The following BRPF3 variants were observed in gnomAD, a reference collection of about 807,000 sequenced individuals.
BRPF3 encodes bromodomain and PHD finger containing 3.
Under a neutral mutation model 102.0 loss-of-function variants are expected in BRPF3, and 18 were observed. The ratio of observed to expected loss-of-function variants is 0.18; its 90% CI spans 0.12 to 0.26. The LOEUF (loss-of-function observed/expected upper bound fraction) is 0.26, where lower values mean the gene tolerates loss of function less well. Ranked by LOEUF, BRPF3 falls within the 10% of genes least tolerant of loss-of-function variation. The pLI, the probability that BRPF3 is intolerant of heterozygous loss-of-function variation, is 1.00. For synonymous variants in BRPF3, 570 were observed against 614.2 expected, an observed-to-expected ratio of 0.93 and a Z score of 1.06; for missense variants, 1,147 against 1,567.8, an observed-to-expected ratio of 0.73 and a Z score of 4.53.
At chr6:36,225,386 C>A (rs1768699763) in intron 11 of BRPF3, 22 bp downstream of exon 11, 4 of 1,596,366 alleles carry the variant, frequency 2.5e-6, no homozygotes, top group African/African-American at 1.3e-5. Context: ...CCAGACGCCA[C>A]CCTCCTATCT....
In BRPF3 at chr6:36,201,104, A is replaced by G. The variant is rs141407527; in HGVS notation, c.782A>G (p.Gln261Arg). 2.5e-6 allele frequency: 4 copies of G among 1,614,110 alleles called. No individual in the cohort carries two copies. Among genetic ancestry groups the G allele is most frequent in the Non-Finnish European group, 3.4e-6 (4 of 1,180,024 alleles). The change falls in exon 2 of 13, where the codon CAG becomes CGG. Residue 261 changes from glutamine (Q) to arginine (R), a missense_variant. Gln to Arg is a conservative substitution (Grantham distance 43). Around this residue, in one of 11 missense-constraint regions of BRPF3, gnomAD observed 221 missense variants for 337.1 expected, o/e 0.66. Transcript: ENST00000357641. The surrounding 1 kb of genome is among the most constrained non-coding windows in gnomAD (Gnocchi z 5.1). ...CAGTGGCTATGCCGCTGCTGCCTGC[A>G]GTCTCCCTCCCGGCCTGTGGATTGC... is the stretch of plus-strand genomic sequence containing the variant. The part of the protein sequence containing the change: ...EGQWLCRCCL[Q>R]SPSRPVDCIL...
At position 36,201,745 on chromosome 6, in the gene BRPF3, G is replaced by A. The variant is rs1767712503; in HGVS notation, c.1423G>A (p.Ala475Thr). 1 of 1,609,976 alleles carries A rather than the reference G, an allele frequency of 6.2e-7. No individual in the cohort carries two copies. The highest frequency in any genetic ancestry group is 8.5e-7 in the Non-Finnish European group (1 of 1,177,820). Reference sequence around the variant, plus strand: ...CACACCCTCCACTCTCCCCATGCTTGCTGTCCCACAGATACCCTCTTACAG... The same window carrying A: ...CACACCCTCCACTCTCCCCATGCTTACTGTCCCACAGATACCCTCTTACAG... ...QDTPSTLPML[A>T]VPQIPSYRLN... Residue 475 changes from alanine (A) to threonine (T), a missense_variant, in exon 2 of 13, where the codon GCT becomes ACT. By Grantham distance (58) the Ala-to-Thr change is moderately conservative. Around this residue, in one of 11 missense-constraint regions of BRPF3, gnomAD observed 157 missense variants for 163.6 expected, o/e 0.96. Transcript: ENST00000357641. This position sits in a 1 kb window ranked among gnomAD's most constrained non-coding sequence, Gnocchi z 5.1.
chr6:36,227,161 C>T (rs1041596505), intron 11 of BRPF3, among the ~76,000 whole-genome samples: 3 of 152,134 alleles, frequency 2.0e-5, no homozygotes, highest in African/African-American at 7.2e-5. Context: ...GTATTTGCAT[C>T]CATAAATAGT....
intron 10 of BRPF3, among the ~76,000 whole-genome samples, chr6:36,224,314 C>A (rs1465482577): frequency 1.3e-5 from 2 of 152,172 alleles, no homozygotes; most frequent in Non-Finnish European, 2.9e-5. Flanking sequence ...TGGTCACCTG[C>A]CCATTCCAGT....
chr6:36,215,137 A>G (rs1445274957), intron 8 of BRPF3, among the ~76,000 whole-genome samples: 1 of 151,584 alleles, frequency 6.6e-6, no homozygotes. Flanking sequence ...TGTTTTTTTG[A>G]GATGAGTCTT....
At chr6:36,220,274 T>G (rs1768487816) in intron 9 of BRPF3, among the ~76,000 whole-genome samples, 1 of 152,260 alleles carries the variant, frequency 6.6e-6, no homozygotes, top group Non-Finnish European at 1.5e-5. Context: ...ATTAGCAGTT[T>G]GTAATACTTT....
chr6:36,204,667 G>C lies in BRPF3; in HGVS notation c.1458G>C (p.Lys486Asn). 6.2e-7 allele frequency: 1 copy of C among 1,614,194 alleles called. No individual in the cohort carries two copies. The highest frequency in any genetic ancestry group is 8.5e-7 in the Non-Finnish European group (1 of 1,180,034). ...VPQIPSYRLNKICSGLSFQRK... is the reference protein window; with the variant it reads ...VPQIPSYRLNNICSGLSFQRK... ...TGTGCCTCTACTCAAGGTTGAACAAGATCTGTAGTGGTCTCTCCTTTCAGA... is the reference window on the plus strand; with the variant it reads ...TGTGCCTCTACTCAAGGTTGAACAACATCTGTAGTGGTCTCTCCTTTCAGA... Residue 486 changes from lysine (K) to asparagine (N), a missense_variant, in exon 3 of 13, where the codon AAG becomes AAC. Transcript: ENST00000357641.
Position 36,210,548 on chromosome 6 carries a change from G to A in BRPF3, c.2179+20G>A, listed in dbSNP as rs1768066563. On this transcript the variant is annotated intron_variant, in intron 6 of 12. Transcript: ENST00000357641. The surrounding 1 kb of genome is among the most constrained non-coding windows in gnomAD (Gnocchi z 4.7). ...AAGACGGTGAGAGGCCTGGATGGGT[G>A]GGGAGGAGAGGGGCCAGGAGGAGGC... 1.3e-6 allele frequency: 2 copies of A among 1,560,248 alleles called. No homozygotes were observed. The highest frequency in any genetic ancestry group is 1.7e-6 in the Non-Finnish European group (2 of 1,159,846).
At position 36,201,522 on chromosome 6, in the gene BRPF3, C is replaced by T; in HGVS notation, c.1200C>T (p.Ser400=). The change falls in exon 2 of 13, where the codon TCC becomes TCT. Residue 400 remains serine (S), a synonymous_variant. Coordinates refer to ENST00000357641, the MANE Select transcript of BRPF3 (RefSeq NM_015695.3). The surrounding 1 kb of genome is among the most constrained non-coding windows in gnomAD (Gnocchi z 5.1). ...GAATARRKGD[S]PRSISETGDE... Reference sequence around the variant, plus strand: ...CCACTGCTAGGAGGAAGGGCGACTCCCCTAGAAGCATCAGTGAGACTGGCG... The same window carrying T: ...CCACTGCTAGGAGGAAGGGCGACTCTCCTAGAAGCATCAGTGAGACTGGCG... 1 of 1,614,106 alleles carries T rather than the reference C, an allele frequency of 6.2e-7. No individual in the cohort carries two copies. The highest frequency in any genetic ancestry group is 8.5e-7 in the Non-Finnish European group (1 of 1,180,016).
chr6:36,210,669 ATACCTTTGTG>A lies in BRPF3; in HGVS notation c.2179+142_2179+151del, dbSNP rs1768073712. On this transcript the variant is annotated intron_variant, in intron 6 of 12. Coordinates refer to ENST00000357641, the MANE Select transcript of BRPF3 (RefSeq NM_015695.3). The surrounding 1 kb of genome is among the most constrained non-coding windows in gnomAD (Gnocchi z 4.7). ...GCTGAGGGTGAGCACAGACTGAGGT[ATACCTTTGTG>A]GCTAGAATAGTTCTAAGGGTTAAAG... is the stretch of plus-strand genomic sequence containing the variant. 5 of 729,884 alleles carry A rather than the reference ATACCTTTGTG, an allele frequency of 6.9e-6. No individual in the cohort carries two copies. The highest frequency in any genetic ancestry group is 4.4e-6 in the Non-Finnish European group (2 of 452,682). 45.2% of individuals were successfully genotyped at this position (729,884 alleles called of 1,614,324 possible). A position where few individuals can be genotyped will look rare whatever the true frequency, so the allele number is the denominator to read the frequency against.
Position 36,210,172 on chromosome 6 carries a change from G to A in BRPF3, c.1867-44G>A, listed in dbSNP as rs376928497. The A allele has an allele frequency of 1.6e-5, 26 of 1,601,560 alleles. No individual in the cohort carries two copies. The African/African-American group carries it at 2.9e-4, about 18-fold the overall frequency. On this transcript the variant is annotated intron_variant, in intron 5 of 12. Coordinates refer to ENST00000357641, the MANE Select transcript of BRPF3 (RefSeq NM_015695.3). This position sits in a 1 kb window ranked among gnomAD's most constrained non-coding sequence, Gnocchi z 4.7. ...TATTGGTGAAGGGTGTGTCTGTTTG[G>A]CTAGTAAATGGTTGTTGTAATTGTA... is the stretch of plus-strand genomic sequence containing the variant.
chr6:36,217,954 G>A lies in BRPF3; in HGVS notation c.3027G>A (p.Gly1009=), dbSNP rs1768390588. The change falls in exon 9 of 13, where the codon GGG becomes GGA. Residue 1009 remains glycine, a synonymous_variant. Transcript: ENST00000357641. ...TNGFGKHTES[G]SDSECSLGLS... ...GCTTTGGAAAACACACCGAAAGCGG[G>A]TCTGACTCTGAATGTAGTTTGGGTC... is the stretch of plus-strand genomic sequence containing the variant. 5 of 1,613,652 alleles carry A rather than the reference G, an allele frequency of 3.1e-6. No homozygotes were observed. The African/African-American group carries it at 5.3e-5, about 17-fold the overall frequency.
chr6:36,218,072 C>T, intron 9 of BRPF3, 62 bp downstream of exon 9: 1 of 1,427,258 alleles, frequency 7.0e-7, no homozygotes, highest in Non-Finnish European at 9.7e-7. Context: ...ACTCTCCATT[C>T]AGCTACAGAT....
At chr6:36,229,761 G>A (rs1251712858) in intron 12 of BRPF3, among the ~76,000 whole-genome samples, 1 of 152,196 alleles carries the variant, frequency 6.6e-6, no homozygotes, top group Non-Finnish European at 1.5e-5. Flanking sequence ...CTGCCATTGA[G>A]TGCTTACTCC....
At chr6:36,199,408 G>C (rs1378478220) in intron 1 of BRPF3, among the ~76,000 whole-genome samples, 1 of 152,174 alleles carries the variant, frequency 6.6e-6, no homozygotes, top group African/African-American at 2.4e-5. Context: ...AAAAGGCTGG[G>C]GACTGCTGTC....
chr6:36,207,165 T>G (rs2127280751), intron 3 of BRPF3, 148 bp from the exon 4 acceptor site: 1 of 896,066 alleles, frequency 1.1e-6, no homozygotes, highest in Non-Finnish European at 1.7e-6. Context: ...GAGGAAGGCA[T>G]GGGGTAGAGA....
chr6:36,202,119 C>T (rs991107294), intron 2 of BRPF3, among the ~76,000 whole-genome samples: 4 of 152,154 alleles, frequency 2.6e-5, no homozygotes, highest in Non-Finnish European at 5.9e-5. Flanking sequence ...TGTTTAGTAT[C>T]CCTGGTCTTT....
rs1177569808 is a variant in BRPF3, at chr6:36,196,745, T to TGGCGGCAGC, written c.-248_-240dup. ...CCTCCCTCCCCTCGGCCGGGCTCCGTGGCGGCAGCGGCAGCAGCGGCGGCT... is the reference window on the plus strand; with the variant it reads ...CCTCCCTCCCCTCGGCCGGGCTCCGTGGCGGCAGCGGCGGCAGCGGCAGCAGCGGCGGCT... On this transcript the variant is annotated 5_prime_UTR_variant, in exon 1 of 13. Transcript: ENST00000357641. The TGGCGGCAGC allele has an allele frequency of 6.6e-6, 1 of 152,258 alleles. No individual in the cohort carries two copies. Among genetic ancestry groups the TGGCGGCAGC allele is most frequent in the Non-Finnish European group, 1.5e-5 (1 of 68,504 alleles). The allele number at this position is 152,258 out of a possible 1,614,324, so 9.4% of individuals were successfully genotyped here.
Position 36,213,872 on chromosome 6 carries a change from T to C in BRPF3, c.2483-8T>C. 1 of 1,574,442 alleles carries C rather than the reference T, an allele frequency of 6.4e-7. No homozygotes were observed. The highest frequency in any genetic ancestry group is 1.2e-5 in the South Asian group (1 of 85,582). On this transcript the variant is annotated splice_polypyrimidine_tract_variant and splice_region_variant and intron_variant, in intron 7 of 12. Transcript: ENST00000357641. ...AATGTTCAAGCAGATTCTCTTTTTT[T>C]CTAATAGATGACTCCAAACTGCCTC... is the stretch of plus-strand genomic sequence containing the variant.
Sources: gnomAD v4.1 joint callset for allele counts (sites outside exome capture counted in the v4.1 genomes callset) on GRCh38, gnomAD v4.1.1 for gene constraint, gnomAD v4.1.1 regional missense constraint, Gnocchi (gnomAD v3.1) non-coding constraint, MANE v1.5 for transcripts, NCBI Gene and HGNC (gene_info 2026-07-23, HGNC 2026-07-21) for gene names.